LHX8: variants seen among roughly 807,000 people sequenced by gnomAD.
LHX8 encodes the protein LIM/homeobox protein Lhx8.
Under a neutral mutation model 40.3 loss-of-function variants are expected in LHX8, and 12 were observed. The observed-to-expected ratio is 0.30, with a 90% CI of 0.19 to 0.48. The LOEUF is 0.48. Among genes scored for constraint, LHX8 ranks in the 20% least tolerant of loss-of-function variants. LHX8 has a pLI of 0.99. For synonymous variants in LHX8, 179 were observed against 162.0 expected (o/e 1.10, Z -0.80); for missense variants, 344 against 433.7 (o/e 0.79, Z 1.84).
chr1:75,140,618 G>GACTT (rs1298774535), intron 3 of LHX8, among the ~76,000 whole-genome samples: 3 of 151,986 alleles, frequency 2.0e-5, no homozygotes, highest in Admixed American at 2.0e-4. Flanking sequence ...GAAGAACTTG[G>GACTT]TAAAATATAA....
chr1:75,157,160 A>T (rs1445453784), intron 8 of LHX8, 84 bp downstream of exon 8: 10 of 1,427,752 alleles, frequency 7.0e-6, no homozygotes, highest in Non-Finnish European at 7.9e-6. Context: ...TACAATTCAC[A>T]TTTTGAAATA....
At chr1:75,158,990 C>A (rs1483596691) in intron 8 of LHX8, among the ~76,000 whole-genome samples, 1 of 152,018 alleles carries the variant, frequency 6.6e-6, no homozygotes, top group African/African-American at 2.4e-5. Context: ...CATGTCTTTC[C>A]ATTTGTTTAG....
intron 5 of LHX8, among the ~76,000 whole-genome samples, 158 bp from the exon 6 acceptor site, chr1:75,143,687 A>G (rs1424335067): frequency 1.3e-5 from 2 of 152,208 alleles, no homozygotes; most frequent in South Asian, 2.1e-4. Context: ...TATTTTTTGT[A>G]CAGTATATCT....
downstream of LHX8, among the ~76,000 whole-genome samples, chr1:75,164,915 C>T (rs995648922): frequency 1.3e-5 from 2 of 151,958 alleles, no homozygotes; most frequent in Admixed American, 6.6e-5. Context: ...TTCAAGCAGT[C>T]CTCCCACCTG....
chr1:75,167,121 G>C, the LHX8 span, among the ~76,000 whole-genome samples: 1 of 152,304 alleles, frequency 6.6e-6, no homozygotes, highest in East Asian at 1.9e-4. Context: ...TGCAGGAATG[G>C]CATGGCAGTA....
At chr1:75,173,898 C>T in the LHX8 span, among the ~76,000 whole-genome samples, 2 of 152,106 alleles carry the variant, frequency 1.3e-5, no homozygotes, top group African/African-American at 4.8e-5. Flanking sequence ...ACAGTTTGAG[C>T]ATCTCAAATC....
At chr1:75,154,142 CAGTG>C (rs1244240282) in intron 7 of LHX8, among the ~76,000 whole-genome samples, 1 of 152,172 alleles carries the variant, frequency 6.6e-6, no homozygotes, top group Non-Finnish European at 1.5e-5. Flanking sequence ...GAAATTTTGT[CAGTG>C]AGGAGAGTCA....
intron 3 of LHX8, among the ~76,000 whole-genome samples, chr1:75,139,840 T>C (rs775444090): frequency 2.0e-5 from 3 of 152,212 alleles, no homozygotes; most frequent in Admixed American, 6.5e-5. Context: ...GAAAAACATG[T>C]TGGACCGTAG....
At chr1:75,163,215 C>T (rs1007323124), downstream of LHX8, among the ~76,000 whole-genome samples, 1 of 152,046 alleles carries the variant, frequency 6.6e-6, no homozygotes, top group African/African-American at 2.4e-5. Context: ...TTTTGAATAT[C>T]CCATAATAAA....
chr1:75,195,444 T>C, the LHX8 span, among the ~76,000 whole-genome samples: 2 of 152,130 alleles, frequency 1.3e-5, no homozygotes, highest in Admixed American at 1.3e-4. Context: ...GATGAGGATA[T>C]CTTTATTCTA....
chr1:75,137,692 C>G (rs1451132008), intron 3 of LHX8, among the ~76,000 whole-genome samples: 7 of 152,210 alleles, frequency 4.6e-5, no homozygotes, highest in Non-Finnish European at 8.8e-5. Context: ...ACGCCCACGC[C>G]CATGACTGCT....
rs5775273 is a variant in LHX8, at chr1:75,134,821, A to ATT, written c.-135_-134dup. 0.21 allele frequency: 132,019 copies of ATT among 643,968 alleles called. 8,282 individuals carry two copies. Among genetic ancestry groups the ATT allele is most frequent in the Middle Eastern group, 0.24 (304 of 1,292 alleles). The allele number at this position is 643,968 out of a possible 1,614,324, so 39.9% of individuals were successfully genotyped here. A position where few individuals can be genotyped will look rare whatever the true frequency, so the allele number is the denominator to read the frequency against. On this transcript the variant is annotated 5_prime_UTR_variant, in exon 1 of 9. Coordinates refer to ENST00000356261, the MANE Select transcript of LHX8 (RefSeq NM_001256114.2). ...AACGGCCTCATCTTCAGACCTGGCA[A>ATT]TTTTTTTTTTTTATTACGTAGTAGC...
At chr1:75,147,737 T>C (rs1390765903) in intron 6 of LHX8, among the ~76,000 whole-genome samples, 1 of 152,222 alleles carries the variant, frequency 6.6e-6, no homozygotes, top group East Asian at 1.9e-4. Flanking sequence ...CTTTTAGTAA[T>C]AAAATTCAAG....
chr1:75,163,576 T>TA (rs1265702002), downstream of LHX8, among the ~76,000 whole-genome samples: 1 of 152,192 alleles, frequency 6.6e-6, no homozygotes, highest in Non-Finnish European at 1.5e-5. Flanking sequence ...ACTAAATATT[T>TA]AGATGGATCT....
downstream of LHX8, among the ~76,000 whole-genome samples, chr1:75,162,699 T>A (rs1362718466): frequency 1.3e-5 from 2 of 152,106 alleles, no homozygotes; most frequent in Non-Finnish European, 2.9e-5. Flanking sequence ...ATCCTGAATA[T>A]AAAACTGTTA....
intron 7 of LHX8, among the ~76,000 whole-genome samples, chr1:75,149,145 C>CT (rs1046745780): frequency 3.3e-5 from 5 of 152,142 alleles, no homozygotes; most frequent in Non-Finnish European, 5.9e-5. Context: ...GTTTTTCCTA[C>CT]TTTTTTTATG....
chr1:75,136,734 AGGCGGCG>A, intron 2 of LHX8, 45 bp downstream of exon 2: 1 of 1,443,452 alleles, frequency 6.9e-7, no homozygotes. Context: ...GGCCGTGGGG[AGGCGGCG>A]CAGGACGAAG....
the LHX8 span, among the ~76,000 whole-genome samples, chr1:75,168,822 C>T: frequency 0.05 from 7,683 of 152,206 alleles, 210 homozygotes; most frequent in Middle Eastern, 0.095. Context: ...CTTACCAATT[C>T]ATCATATGCT....
chr1:75,143,289 A>C lies in LHX8; in HGVS notation c.531A>C (p.Arg177Ser). Residue 177 changes from arginine to serine, a missense_variant, in exon 5 of 9, where the codon AGA becomes AGC. Arg to Ser is a moderately radical substitution (Grantham distance 110, BLOSUM62 -1). Around this residue, in one of 3 missense-constraint regions of LHX8, gnomAD observed 147 missense variants for 250.8 expected, o/e 0.59. Transcript: ENST00000356261. ...TGGTGGAAGAGAAAGTCCTCTGCAG[A>C]GTACATTATGACTGCATGCTGGATA... ...FALVEEKVLC[R>S]VHYDCMLDNL... is the part of the protein sequence containing the mutation. The C allele has an allele frequency of 6.2e-7, 1 of 1,613,810 alleles. No individual in the cohort carries two copies. Among genetic ancestry groups the C allele is most frequent in the Non-Finnish European group, 8.5e-7 (1 of 1,179,744 alleles).
Sources: allele counts gnomAD v4.1 joint callset (sites outside exome capture counted in the v4.1 genomes callset), GRCh38; gene constraint gnomAD v4.1.1; regional missense constraint gnomAD v4.1.1; transcripts MANE v1.5; gene names NCBI Gene and HGNC (gene_info 2026-07-23, HGNC 2026-07-21).